The following ASPM variants were observed in gnomAD, a reference collection of about 807,000 sequenced individuals.
ASPM encodes assembly factor for spindle microtubules.
Under a neutral mutation model 366.4 loss-of-function variants are expected in ASPM, and 256 were observed. The ratio of observed to expected loss-of-function variants is 0.70; its 90% CI spans 0.63 to 0.77. The LOEUF (loss-of-function observed/expected upper bound fraction) is 0.77. Among genes scored for constraint, ASPM ranks in the 30% least tolerant of loss-of-function variants. The pLI, the probability that ASPM is intolerant of heterozygous loss-of-function variation, is 0.00. For missense variants in ASPM, 4,146 were observed against 4,090.4 expected (o/e 1.01, Z -0.37); for synonymous variants, 1,414 against 1,342.9 (o/e 1.05, Z -1.16).
intron 10 of ASPM, among the ~76,000 whole-genome samples, chr1:197,125,792 C>T (rs1461835921): frequency 6.6e-6 from 1 of 151,818 alleles, no homozygotes; most frequent in African/African-American, 2.4e-5. Flanking sequence ...GAGTATCTAC[C>T]TAACAAAGAC....
At chr1:197,145,654 A>G (rs1272389892) in intron 1 of ASPM, among the ~76,000 whole-genome samples, 2 of 152,250 alleles carry the variant, frequency 1.3e-5, no homozygotes, top group African/African-American at 4.8e-5. Context: ...CAATCTTAAA[A>G]AAGTGTTAAA....
chr1:197,103,211 T>C lies in ASPM; in HGVS notation c.6040A>G (p.Asn2014Asp). ...YRAYSIGREQ[N>D]HLYLKTKAAV... is the part of the protein sequence containing the mutation. ...GCTTTTGTTTTCAAATATAAATGAT[T>C]CTGTTCTCTTCCAATACTGTAAGCC... The change falls in exon 18 of 28, where the codon AAT (asparagine) becomes GAT (aspartate). Residue 2014 changes from asparagine (N) to aspartate (D), a missense_variant. Around this residue, in one of 3 missense-constraint regions of ASPM, gnomAD observed 3,624 missense variants for 3,591.7 expected, o/e 1.01. Transcript: ENST00000367409. 1 of 1,612,872 alleles carries C rather than the reference T, an allele frequency of 6.2e-7. No homozygotes were observed. The highest frequency in any genetic ancestry group is 8.5e-7 in the Non-Finnish European group (1 of 1,179,420).
chr1:197,135,246 A>G lies in ASPM; in HGVS notation c.2027-4T>C, dbSNP rs1304050196. ...GGCATCGGGTGTCTGGGAATATCTA[A>G]GAATACAATTAGGTTACTGCATAAC... On this transcript the variant is annotated splice_polypyrimidine_tract_variant and splice_region_variant and intron_variant, in intron 4 of 27. Transcript: ENST00000367409. The G allele has an allele frequency of 1.2e-6, 2 of 1,613,788 alleles. No homozygotes were observed. Among genetic ancestry groups the G allele is most frequent in the East Asian group, 4.5e-5 (2 of 44,830 alleles).
At chr1:197,126,692 T>TA (rs1240355498) in intron 10 of ASPM, among the ~76,000 whole-genome samples, 2 of 152,150 alleles carry the variant, frequency 1.3e-5, no homozygotes, top group Admixed American at 6.5e-5. Flanking sequence ...AAAGCTGCAG[T>TA]AAAAAGACTA....
In ASPM at chr1:197,104,080, T is replaced by G. The variant is rs1657312409; in HGVS notation, c.5171A>C (p.Glu1724Ala). 2.5e-6 allele frequency: 4 copies of G among 1,613,032 alleles called. No individual in the cohort carries two copies. The highest frequency in any genetic ancestry group is 3.4e-6 in the Non-Finnish European group (4 of 1,179,454). Residue 1724 changes from glutamate (E) to alanine (A), a missense_variant, in exon 18 of 28, where the codon GAG (glutamate) becomes GCG (alanine). Transcript: ENST00000367409. ...ACAAGATTCCCGCATCTGCATATACTCTTCTCTCTTTTGTGCAGCTATTTT... is the reference window on the plus strand; with the variant it reads ...ACAAGATTCCCGCATCTGCATATACGCTTCTCTCTTTTGTGCAGCTATTTT... ...SKKIAAQKRE[E>A]YMQMRESCIK... is the part of the protein sequence containing the mutation.
intron 25 of ASPM, 85 bp from the exon 26 acceptor site, chr1:197,088,517 T>C: frequency 7.2e-7 from 1 of 1,382,302 alleles, no homozygotes; most frequent in South Asian, 1.3e-5. Flanking sequence ...AATACAAAAG[T>C]CCATACTTAG....
At position 197,104,545 on chromosome 1, in the gene ASPM, T is replaced by C. The variant is rs1217633597; in HGVS notation, c.4706A>G (p.Tyr1569Cys). 4.3e-6 allele frequency: 7 copies of C among 1,612,808 alleles called. No individual in the cohort carries two copies. The highest frequency in any genetic ancestry group is 5.1e-6 in the Non-Finnish European group (6 of 1,179,374). Residue 1569 changes from tyrosine to cysteine, a missense_variant, in exon 18 of 28, where the codon TAC (tyrosine) becomes TGC (cysteine). By Grantham distance (194) the Tyr-to-Cys change is radical. Coordinates refer to ENST00000367409, the MANE Select transcript of ASPM (RefSeq NM_018136.5). ...AACTCTGTCTTGTCTCATTCTCCAGTATGACTGAATAACACAAGCAGCTCT... is the reference window on the plus strand; with the variant it reads ...AACTCTGTCTTGTCTCATTCTCCAGCATGACTGAATAACACAAGCAGCTCT... ...QIRAACVIQS[Y>C]WRMRQDRVRF...
chr1:197,122,258 C>A lies in ASPM; in HGVS notation c.3642G>T (p.Lys1214Asn). 6.2e-7 allele frequency: 1 copy of A among 1,613,396 alleles called. No homozygotes were observed. Among genetic ancestry groups the A allele is most frequent in the East Asian group, 2.2e-5 (1 of 44,870 alleles). ...ELYKELLENE[K>N]KNFHLVRSAV... ...CAGACCTAACCAAGTGAAAATTTTTCTTTTCATTTTCTAGGAGCTCTTTGT... is the reference window on the plus strand; with the variant it reads ...CAGACCTAACCAAGTGAAAATTTTTATTTTCATTTTCTAGGAGCTCTTTGT... The change falls in exon 15 of 28, where the codon AAG becomes AAT. Residue 1214 changes from lysine (K) to asparagine (N), a missense_variant. Around this residue, in one of 3 missense-constraint regions of ASPM, gnomAD observed 3,624 missense variants for 3,591.7 expected, o/e 1.01. Transcript: ENST00000367409.
In ASPM at chr1:197,146,126, C is replaced by T; in HGVS notation, c.297+15G>A. On this transcript the variant is annotated intron_variant, in intron 1 of 27. Coordinates refer to ENST00000367409, the MANE Select transcript of ASPM (RefSeq NM_018136.5). ...GCAGAACACCGGCCTGGAGCACGCT[C>T]CTCCTGAGACCTACCTGCAACACGA... 6.2e-7 allele frequency: 1 copy of T among 1,613,952 alleles called. No homozygotes were observed. Among genetic ancestry groups the T allele is most frequent in the Non-Finnish European group, 8.5e-7 (1 of 1,179,944 alleles).
Position 197,103,466 on chromosome 1 carries a change from G to C in ASPM, c.5785C>G (p.Gln1929Glu). ...LFKTAALVIQ[Q>E]NFRAWTAGRK... Reference sequence around the variant, plus strand: ...CCTGCAGTCCATGCTCTGAAATTTTGCTGGATGACTAATGCTGCTGTTTTA... The same window carrying C: ...CCTGCAGTCCATGCTCTGAAATTTTCCTGGATGACTAATGCTGCTGTTTTA... Residue 1929 changes from glutamine (Q) to glutamate (E), a missense_variant, in exon 18 of 28, where the codon CAA becomes GAA. Physicochemically the swap from Gln to Glu is conservative, Grantham distance 29. This residue lies in a region of ASPM where 3,624 missense variants were observed against 3,591.7 expected (regional missense o/e 1.01). Transcript: ENST00000367409. The C allele has an allele frequency of 1.9e-6, 3 of 1,613,252 alleles. No individual in the cohort carries two copies. The highest frequency in any genetic ancestry group is 2.5e-6 in the Non-Finnish European group (3 of 1,179,532).
At chr1:197,132,496 T>C in intron 6 of ASPM, 144 bp from the exon 7 acceptor site, 1 of 682,384 alleles carries the variant, frequency 1.5e-6, no homozygotes, top group Non-Finnish European at 2.5e-6. Context: ...ACTTATAGTC[T>C]TAAATATACA....
chr1:197,126,560 T>C (rs1446720574), intron 10 of ASPM, among the ~76,000 whole-genome samples: 1 of 151,652 alleles, frequency 6.6e-6, no homozygotes, highest in Admixed American at 6.6e-5. Context: ...AAACAATTCC[T>C]ATTGGCCAGA....
intron 22 of ASPM, among the ~76,000 whole-genome samples, chr1:197,091,392 C>T (rs1042816929): frequency 6.6e-6 from 1 of 151,780 alleles, no homozygotes; most frequent in Non-Finnish European, 1.5e-5. Flanking sequence ...AAATAGAATT[C>T]TTCTTCAAAA....
intron 3 of ASPM, 145 bp downstream of exon 3, chr1:197,142,185 TA>T (rs2125113502): frequency 2.4e-6 from 2 of 838,270 alleles, no homozygotes; most frequent in East Asian, 2.5e-5. Flanking sequence ...AGATGTCACA[TA>T]AGCTGTATTC....
chr1:197,135,498 A>G (rs1658391882), intron 4 of ASPM, among the ~76,000 whole-genome samples: 1 of 152,190 alleles, frequency 6.6e-6, no homozygotes, highest in Non-Finnish European at 1.5e-5. Flanking sequence ...GTCTGATAGA[A>G]TATCTTTTTT....
intron 17 of ASPM, among the ~76,000 whole-genome samples, chr1:197,117,078 T>A (rs957539920): frequency 6.6e-6 from 1 of 152,034 alleles, no homozygotes; most frequent in Non-Finnish European, 1.5e-5. Flanking sequence ...ATTTTACATG[T>A]TAAAAAAAGG....
In ASPM at chr1:197,144,095, T is replaced by C; in HGVS notation, c.303A>G (p.Lys101=). ...AGTTAACAGAAATAACAATTTTCTC[T>C]TTAGGCTATAATCAAAACAATACAT... ...VSQRCFVLQP[K]EKIVISVNWT... The change falls in exon 2 of 28, where the codon AAA becomes AAG. Residue 101 remains lysine, a synonymous_variant. Coordinates refer to ENST00000367409, the MANE Select transcript of ASPM (RefSeq NM_018136.5). The C allele has an allele frequency of 1.3e-6, 2 of 1,599,982 alleles. No individual in the cohort carries two copies. Among genetic ancestry groups the C allele is most frequent in the South Asian group, 2.2e-5 (2 of 90,658 alleles).
In ASPM at chr1:197,102,093, G is replaced by A. The variant is rs886267443; in HGVS notation, c.7158C>T (p.His2386=). The change falls in exon 18 of 28, where the codon CAC becomes CAT. Residue 2386 remains histidine, a synonymous_variant. Transcript: ENST00000367409. ...LQRQHYLRQR[H]SAVILQAAFR... ...ATGCAGCCTGAAGGATCACAGCAGA[G>A]TGTCTTTGTCTGAGATAATGCTGCC... The A allele has an allele frequency of 3.1e-6, 5 of 1,612,944 alleles. No homozygotes were observed. Among genetic ancestry groups the A allele is most frequent in the Non-Finnish European group, 3.4e-6 (4 of 1,179,308 alleles).
In ASPM at chr1:197,088,433, C is replaced by T. The variant is rs1194413866; in HGVS notation, c.9985-1G>A. ...AAACTGCTGAAGTAGTTTTCTCATA[C>T]TTGAAGAGAACAGAATGAAATTAAA... On this transcript the variant is annotated splice_acceptor_variant, in intron 25 of 27. Coordinates refer to ENST00000367409, the MANE Select transcript of ASPM (RefSeq NM_018136.5). LOFTEE classifies it high-confidence loss of function. The T allele has an allele frequency of 1.9e-6, 3 of 1,589,630 alleles. No individual in the cohort carries two copies. Among genetic ancestry groups the T allele is most frequent in the Non-Finnish European group, 2.6e-6 (3 of 1,160,692 alleles).
Sources: allele counts gnomAD v4.1 joint callset (sites outside exome capture counted in the v4.1 genomes callset), GRCh38; gene constraint gnomAD v4.1.1; regional missense constraint gnomAD v4.1.1; transcripts MANE v1.5; gene names NCBI Gene and HGNC (gene_info 2026-07-23, HGNC 2026-07-21).